Variants in EIF5 observed in about 807,000 individuals in gnomAD.
The protein encoded by EIF5 is eukaryotic translation initiation factor 5.
Under a neutral mutation model 48.3 loss-of-function variants are expected in EIF5, and 10 were observed. The ratio of observed to expected loss-of-function variants is 0.21; its 90% confidence interval spans 0.13 to 0.35. EIF5 has a LOEUF of 0.35. Among genes scored for constraint, EIF5 ranks in the 10% least tolerant of loss-of-function variants. EIF5 has a pLI of 1.00. For missense variants in EIF5, 397 were observed against 533.2 expected (o/e 0.74, Z 2.51); for synonymous variants, 237 against 173.1 (o/e 1.37, Z -2.90).
At chr14:103,340,608 G>GT (rs776289240) in intron 11 of EIF5, 47 bp downstream of exon 11, 10 of 1,571,182 alleles carry the variant, frequency 6.4e-6, no homozygotes, top group East Asian at 2.3e-5. Context: ...TGGCATGGGT[G>GT]TTTGAGATTT....
rs1141999 is a variant in EIF5, at chr14:103,335,826, C to T, written c.-35C>T. The stretch of plus-strand genomic sequence containing the variant: ...ACCAAAAAGTTGCAATCAAAGATCT[C>T]TTCATCTTATTGATAAAGCCACTAA... On this transcript the variant is annotated 5_prime_UTR_variant, in exon 3 of 12. Transcript: ENST00000216554. 4.3e-3 allele frequency: 7,001 copies of T among 1,610,664 alleles called. 23 individuals are homozygous for T. Among genetic ancestry groups the T allele is most frequent in the Admixed American group, 6.4e-3 (382 of 59,982 alleles).
Position 103,336,194 on chromosome 14 carries a change from C to G in EIF5, c.154+77C>G, listed in dbSNP as rs1040577919. 8 of 1,385,218 alleles carry G rather than the reference C, an allele frequency of 5.8e-6. No homozygotes were observed. The African/African-American group carries it at 5.8e-5, about 10-fold the overall frequency. The allele number at this position is 1,385,218 out of a possible 1,614,324, so 85.8% of individuals were successfully genotyped here. ...AAGTCTTTGAGCTGCAAAACTTGTTCTAATTGTATGCTAGCTAATTACCTT... is the reference window on the plus strand; with the variant it reads ...AAGTCTTTGAGCTGCAAAACTTGTTGTAATTGTATGCTAGCTAATTACCTT... On this transcript the variant is annotated intron_variant, in intron 4 of 11. Transcript: ENST00000216554.
chr14:103,335,802 C>T lies in EIF5; in HGVS notation c.-59C>T. The T allele has an allele frequency of 2.7e-6, 4 of 1,504,490 alleles. No homozygotes were observed. Among genetic ancestry groups the T allele is most frequent in the Non-Finnish European group, 3.7e-6 (4 of 1,093,934 alleles). The allele number at this position is 1,504,490 out of a possible 1,614,324, so 93.2% of individuals were successfully genotyped here. A position where few individuals can be genotyped will look rare whatever the true frequency, so the allele number is the denominator to read the frequency against. ...TCCCTTCTTCTCCAGACAGAAGATA[C>T]CAAAAAGTTGCAATCAAAGATCTCT... On this transcript the variant is annotated 5_prime_UTR_variant, in exon 3 of 12. Transcript: ENST00000216554.
intron 2 of EIF5, chr14:103,334,821 T>C (rs1458455395): frequency 6.6e-6 from 1 of 151,472 alleles, no homozygotes; most frequent in Non-Finnish European, 1.5e-5. Context: ...TGACTCAGGC[T>C]TCAGCTGCTG....
Position 103,341,803 on chromosome 14 carries a change from G to A in EIF5, c.*751G>A, listed in dbSNP as rs984809908. On this transcript the variant is annotated 3_prime_UTR_variant, in exon 12 of 12. Coordinates refer to ENST00000216554, the MANE Select transcript of EIF5 (RefSeq NM_001969.5). ...GCCAGGGAAATTATTACATTAACAA[G>A]CATTTTGTGTGTACGTAGTAGTTAC... 1 of 152,618 alleles carries A rather than the reference G, an allele frequency of 6.6e-6. No individual in the cohort carries two copies. The highest frequency in any genetic ancestry group is 1.5e-5 in the Non-Finnish European group (1 of 68,050). The allele number at this position is 152,618 out of a possible 1,614,324, so 9.5% of individuals were successfully genotyped here. A position where few individuals can be genotyped will look rare whatever the true frequency, so the allele number is the denominator to read the frequency against.
intron 10 of EIF5, 144 bp downstream of exon 10, chr14:103,339,947 G>A (rs555881997): frequency 1.9e-5 from 18 of 963,222 alleles, no homozygotes; most frequent in Admixed American, 3.1e-5. Flanking sequence ...AAACCTCCAC[G>A]TCCCGGCTTC....
At chr14:103,334,769 C>G (rs1223690823) in intron 2 of EIF5, 172 bp downstream of exon 2, 1 of 148,908 alleles carries the variant, frequency 6.7e-6, no homozygotes, top group African/African-American at 2.4e-5. Flanking sequence ...CGCCCCCTCC[C>G]CGGCATGGCG....
At chr14:103,337,989 C>G (rs756475920) in intron 6 of EIF5, 1 of 549,890 alleles carries the variant, frequency 1.8e-6, no homozygotes, top group African/African-American at 1.9e-5. Context: ...CACCTGTTGG[C>G]TAAAGCTGGG....
At chr14:103,340,278 A>G in intron 10 of EIF5, 149 bp from the exon 11 acceptor site, 3 of 787,248 alleles carry the variant, frequency 3.8e-6, no homozygotes, top group Admixed American at 4.7e-5. Flanking sequence ...CAGACTGCTG[A>G]GACTAACGTG....
chr14:103,336,264 A>G (rs1020454620), intron 4 of EIF5, 147 bp downstream of exon 4: 12 of 839,960 alleles, frequency 1.4e-5, no homozygotes, highest in East Asian at 1.1e-4. Flanking sequence ...CCATGAGTTT[A>G]CAAAACTACC....
At position 103,341,762 on chromosome 14, in the gene EIF5, A is replaced by G. The variant is rs534845969; in HGVS notation, c.*710A>G. 3 of 152,630 alleles carry G rather than the reference A, an allele frequency of 2.0e-5. No homozygotes were observed. The highest frequency in any genetic ancestry group is 4.1e-4 in the South Asian group (2 of 4,832). 9.5% of individuals were successfully genotyped at this position (152,630 alleles called of 1,614,324 possible). On this transcript the variant is annotated 3_prime_UTR_variant, in exon 12 of 12. Transcript: ENST00000216554. Reference sequence around the variant, plus strand: ...CCAAATTGTCTTTGAAGTCGTGTGCATTGCACGTTGGATGAGCCAGGGAAA... The same window carrying G: ...CCAAATTGTCTTTGAAGTCGTGTGCGTTGCACGTTGGATGAGCCAGGGAAA...
intron 10 of EIF5, 84 bp downstream of exon 10, chr14:103,339,887 C>G: frequency 6.2e-6 from 9 of 1,451,968 alleles, no homozygotes; most frequent in Non-Finnish European, 8.3e-6. Flanking sequence ...GAGACGGAGT[C>G]TCATTCTGTT....
chr14:103,338,413 A>G lies in EIF5; in HGVS notation c.526A>G (p.Ser176Gly), dbSNP rs777120633. ...CAAGGAAAATGGCTCCGTATCCAGC[A>G]GTGAGACACCACCACCACCACCACC... ...KDKENGSVSSSETPPPPPPPN... is the reference protein window; with the variant it reads ...KDKENGSVSSGETPPPPPPPN... Residue 176 changes from serine to glycine, a missense_variant, in exon 7 of 12, where the codon AGT (serine) becomes GGT (glycine). Coordinates refer to ENST00000216554, the MANE Select transcript of EIF5 (RefSeq NM_001969.5). The G allele has an allele frequency of 1.2e-6, 2 of 1,605,232 alleles. No homozygotes were observed. The highest frequency in any genetic ancestry group is 1.3e-5 in the African/African-American group (1 of 74,382).
At chr14:103,338,081 T>C (rs2089310044) in intron 6 of EIF5, 1 of 617,760 alleles carries the variant, frequency 1.6e-6, no homozygotes, top group East Asian at 2.9e-5. Flanking sequence ...TCACTTCATC[T>C]TACTCTTTCT....
chr14:103,336,036 G>C lies in EIF5; in HGVS notation c.73G>C (p.Val25Leu), dbSNP rs776468942. The part of the protein sequence containing the change: ...RYKMPRLIAK[V>L]EGKGNGIKTV... Reference sequence around the variant, plus strand: ...CAACTAAAATTCTTATTTCCTTTAGGTTGAGGGCAAAGGCAATGGAATCAA... The same window carrying C: ...CAACTAAAATTCTTATTTCCTTTAGCTTGAGGGCAAAGGCAATGGAATCAA... The change falls in exon 4 of 12, where the codon GTT (valine) becomes CTT (leucine). Residue 25 changes from valine to leucine, a missense_variant and splice_region_variant. By Grantham distance (32) the Val-to-Leu change is conservative. This residue lies in a region of EIF5 where 108 missense variants were observed against 188.3 expected (regional missense o/e 0.57). Coordinates refer to ENST00000216554, the MANE Select transcript of EIF5 (RefSeq NM_001969.5). The C allele has an allele frequency of 6.2e-7, 1 of 1,613,990 alleles. No homozygotes were observed. Among genetic ancestry groups the C allele is most frequent in the African/African-American group, 1.3e-5 (1 of 74,878 alleles).
rs745671516 is a variant in EIF5 at position 103,340,540 on chromosome 14, AGAT to A, written c.1188_1190del (p.Asp396del). 9 of 1,612,516 alleles carry A rather than the reference AGAT, an allele frequency of 5.6e-6. No individual in the cohort carries two copies. Among genetic ancestry groups the A allele is most frequent in the African/African-American group, 1.3e-5 (1 of 74,906 alleles). On this transcript the variant is annotated inframe_deletion, in exon 11 of 12. Coordinates refer to ENST00000216554, the MANE Select transcript of EIF5 (RefSeq NM_001969.5). ...AAGAATCTTCTGGTGGCGAAGAAGAAGATGAAGATGAGAACATTGAGGTAAACA... is the reference window on the plus strand; with the variant it reads ...AAGAATCTTCTGGTGGCGAAGAAGAAGAAGATGAGAACATTGAGGTAAACA...
rs938052772 is a variant in EIF5, at chr14:103,344,843, C to T, written c.*3791C>T. ...TGGAATAAATGTATCAGGTAAAGGA[C>T]AAGTTGTAAGCTTGGATTTTTAGGT... On this transcript the variant is annotated 3_prime_UTR_variant, in exon 12 of 12. Coordinates refer to ENST00000216554, the MANE Select transcript of EIF5 (RefSeq NM_001969.5). 5.9e-5 allele frequency: 9 copies of T among 152,108 alleles called. No homozygotes were observed. The highest frequency in any genetic ancestry group is 1.9e-4 in the African/African-American group (8 of 41,404). The allele number at this position is 152,108 out of a possible 1,614,324, so 9.4% of individuals were successfully genotyped here.
At chr14:103,336,594 AAAGTG>A in intron 4 of EIF5, 78 bp from the exon 5 acceptor site, 1 of 1,431,738 alleles carries the variant, frequency 7.0e-7, no homozygotes, top group African/African-American at 1.5e-5. Flanking sequence ...AAAAAAAAAA[AAAGTG>A]GTGTTCGTAC....
At chr14:103,335,998 A>G (rs757329810) in intron 3 of EIF5, 38 bp from the exon 4 acceptor site, 5 of 1,613,666 alleles carry the variant, frequency 3.1e-6, no homozygotes, top group Admixed American at 1.7e-5. Flanking sequence ...TGCATTTGTC[A>G]GGGGAAACTG....
Sources: gnomAD v4.1 joint callset for allele counts on GRCh38, gnomAD v4.1.1 for gene constraint, gnomAD v4.1.1 regional missense constraint, MANE v1.5 for transcripts, NCBI Gene and HGNC (gene_info 2026-07-23, HGNC 2026-07-21) for gene names.